Variants in WWOX observed in about 807,000 individuals in gnomAD.
WWOX encodes the protein WW domain containing oxidoreductase.
Under a neutral mutation model 46.2 loss-of-function variants are expected in WWOX, and 69 were observed. The ratio of observed to expected loss-of-function variants is 1.49; its 90% CI spans 1.23 to 1.82. The LOEUF is 1.82. Ranked by LOEUF, WWOX falls within the 40% of genes most tolerant of loss-of-function variation. The probability of loss-of-function intolerance (pLI) is 0.00; values close to 1 mark genes in which losing one functional copy is unlikely to be tolerated. For missense variants in WWOX, 919 were observed against 542.6 expected, an observed-to-expected ratio of 1.69 and a Z score of -6.89; for synonymous variants, 359 against 202.6, an observed-to-expected ratio of 1.77 and a Z score of -6.56.
chr16:78,210,121 T>C (rs2036512100), intron 5 of WWOX, among the ~76,000 whole-genome samples: 1 of 152,216 alleles, frequency 6.6e-6, no homozygotes. Context: ...ATCTATTTTG[T>C]CATGTTATGA....
chr16:78,229,703 G>T (rs11865034), intron 5 of WWOX, among the ~76,000 whole-genome samples: 1 of 151,862 alleles, frequency 6.6e-6, no homozygotes, highest in Non-Finnish European at 1.5e-5. Flanking sequence ...AGTGTTGGTA[G>T]CTCATTTAAG....
At chr16:79,138,450 C>T (rs926613243) in intron 8 of WWOX, among the ~76,000 whole-genome samples, 1 of 152,176 alleles carries the variant, frequency 6.6e-6, no homozygotes, top group Non-Finnish European at 1.5e-5. Flanking sequence ...GAAGTCTTGC[C>T]AGACACATTC....
At chr16:78,398,986 G>T (rs1327475321) in intron 6 of WWOX, among the ~76,000 whole-genome samples, 5 of 150,850 alleles carry the variant, frequency 3.3e-5, no homozygotes, top group East Asian at 2.0e-4. Flanking sequence ...GATGGAAGAG[G>T]TAAGTACAAG....
chr16:78,719,529 C>T (rs564214377), intron 8 of WWOX, among the ~76,000 whole-genome samples: 2 of 152,134 alleles, frequency 1.3e-5, no homozygotes, highest in Admixed American at 6.5e-5. Flanking sequence ...AAATAGGAGA[C>T]AAGTGTGTCG....
intron 5 of WWOX, among the ~76,000 whole-genome samples, chr16:78,244,278 A>G (rs752460654): frequency 1.3e-5 from 2 of 152,258 alleles, no homozygotes; most frequent in African/African-American, 4.8e-5. Flanking sequence ...TGTCTGGCAC[A>G]TAAGGAAGTG....
At chr16:78,291,996 G>T (rs2079866453) in intron 5 of WWOX, among the ~76,000 whole-genome samples, 2 of 151,354 alleles carry the variant, frequency 1.3e-5, no homozygotes. Context: ...CTTTCCCTGT[G>T]TAACAAAGTC....
chr16:79,190,613 T>A (rs960631357), intron 8 of WWOX, among the ~76,000 whole-genome samples: 1 of 152,210 alleles, frequency 6.6e-6, no homozygotes, highest in South Asian at 2.1e-4. Context: ...GGGAGGGAAC[T>A]CATTCAGAAG....
intron 8 of WWOX, among the ~76,000 whole-genome samples, chr16:78,874,542 C>G (rs946960099): frequency 6.6e-6 from 1 of 152,044 alleles, no homozygotes; most frequent in Non-Finnish European, 1.5e-5. Context: ...ACAGGAAGAA[C>G]TTGATGTTAT....
intron 8 of WWOX, among the ~76,000 whole-genome samples, chr16:78,518,714 G>A (rs2043288976): frequency 6.6e-6 from 1 of 152,210 alleles, no homozygotes. Context: ...GGGAACCAGT[G>A]GGCAGCCACA....
intron 8 of WWOX, among the ~76,000 whole-genome samples, chr16:78,918,550 T>A (rs9925595): frequency 0.94 from 142,874 of 151,998 alleles, 67,549 homozygotes; most frequent in Non-Finnish European, 0.99. Flanking sequence ...TAAGAAAACT[T>A]TTTCTTCTTT....
intron 7 of WWOX, among the ~76,000 whole-genome samples, chr16:78,428,967 G>A (rs1019688154): frequency 6.6e-6 from 1 of 152,176 alleles, no homozygotes; most frequent in Non-Finnish European, 1.5e-5. Context: ...TGAAACAAGG[G>A]AAACTGTCAA....
intron 8 of WWOX, among the ~76,000 whole-genome samples, chr16:78,721,801 A>G (rs908311561): frequency 6.6e-6 from 1 of 152,186 alleles, no homozygotes; most frequent in African/African-American, 2.4e-5. Context: ...GATACCCCCG[A>G]CTTCCTTTCC....
intron 8 of WWOX, among the ~76,000 whole-genome samples, chr16:78,976,594 T>C (rs983047845): frequency 2.6e-5 from 4 of 152,212 alleles, no homozygotes; most frequent in African/African-American, 4.8e-5. Flanking sequence ...GCGAAAAGCA[T>C]GGCGTTGCGT....
chr16:78,217,097 G>A (rs1168652816), intron 5 of WWOX, among the ~76,000 whole-genome samples: 1 of 152,200 alleles, frequency 6.6e-6, no homozygotes, highest in Non-Finnish European at 1.5e-5. Flanking sequence ...TTGCCACGCA[G>A]TCTACCATAT....
rs140844652 is a variant in WWOX at position 78,997,961 on chromosome 16, C to T, written c.1057-213647C>T. Among the ~76,000 whole-genome samples the T allele has an allele frequency of 8.8e-3, 1,343 of 152,238 alleles. 27 individuals are homozygous for T. The highest frequency in any genetic ancestry group is 0.03 in the African/African-American group (1,262 of 41,542). On this transcript the variant is annotated intron_variant, in intron 8 of 8. Transcript: ENST00000566780. ...GCGCGATCTCAGCTCACAGCAATCTCTGCCTCCTGGGTTCAAGCGATTCTC... is the reference window on the plus strand; with the variant it reads ...GCGCGATCTCAGCTCACAGCAATCTTTGCCTCCTGGGTTCAAGCGATTCTC...
rs145673469 is a variant in WWOX, at chr16:78,998,705, C to G, written c.1057-212903C>G. On this transcript the variant is annotated intron_variant, in intron 8 of 8. Coordinates refer to ENST00000566780, the MANE Select transcript of WWOX (RefSeq NM_016373.4). The stretch of plus-strand genomic sequence containing the variant: ...CATGCATGAAGGACTCTTTCATTAT[C>G]GTTATTAACTGATGTTTTTAACTTA... 2.9e-3 allele frequency among the ~76,000 whole-genome samples: 435 copies of G among 152,308 alleles called. 4 individuals are homozygous for G. Among genetic ancestry groups the G allele is most frequent in the Non-Finnish European group, 2.6e-3 (174 of 68,034 alleles).
chr16:78,861,462 G>A (rs924250849), intron 8 of WWOX, among the ~76,000 whole-genome samples: 5 of 152,126 alleles, frequency 3.3e-5, no homozygotes, highest in African/African-American at 1.2e-4. Flanking sequence ...TATTACATGT[G>A]GCCATTGTTG....
intron 8 of WWOX, among the ~76,000 whole-genome samples, chr16:78,724,744 C>T (rs1329701916): frequency 6.6e-6 from 1 of 152,134 alleles, no homozygotes; most frequent in Non-Finnish European, 1.5e-5. Flanking sequence ...TAACCATCTC[C>T]TGAACCCTGA....
chr16:78,932,433 C>T (rs868135345), intron 8 of WWOX, among the ~76,000 whole-genome samples: 1 of 152,172 alleles, frequency 6.6e-6, no homozygotes, highest in Non-Finnish European at 1.5e-5. Flanking sequence ...TCAGAGAGTT[C>T]TTTTTCACTT....
Sources: allele counts gnomAD v4.1 joint callset (sites outside exome capture counted in the v4.1 genomes callset), GRCh38; gene constraint gnomAD v4.1.1; transcripts MANE v1.5; gene names NCBI Gene and HGNC (gene_info 2026-07-23, HGNC 2026-07-21).